Variants in FAM13B observed in about 807,000 individuals in gnomAD.
FAM13B encodes the protein protein FAM13B.
A neutral mutation model predicts 117.3 loss-of-function variants in FAM13B; 60 were observed. That is an observed-to-expected ratio of 0.51 (90% CI 0.42 to 0.63). FAM13B has a LOEUF of 0.63. FAM13B is among the 30% of genes least tolerant of loss of function. The pLI, the probability that FAM13B is intolerant of heterozygous loss-of-function variation, is 0.00. For missense variants in FAM13B, 972 were observed against 1,091.9 expected (o/e 0.89, Z 1.55); for synonymous variants, 332 against 356.1 (o/e 0.93, Z 0.76).
intron 18 of FAM13B, 31 bp from the exon 19 acceptor site, chr5:137,946,342 C>CAAAAAAAAAAAAAAAAAAAAAAAA: frequency 1.1e-6 from 1 of 919,182 alleles, no homozygotes; most frequent in Non-Finnish European, 1.5e-6. Context: ...TAACAAAATA[C>CAAAAAAAAAAAAAAAAAAAAAAAA]AAAAAAAAAA....
intron 6 of FAM13B, among the ~76,000 whole-genome samples, chr5:138,008,253 C>A (rs563342622): frequency 1.4e-4 from 21 of 152,180 alleles, no homozygotes; most frequent in African/African-American, 4.8e-4. Context: ...CCAGCCTGGG[C>A]AACGTGGTGA....
chr5:138,031,322 C>G (rs1462569), intron 1 of FAM13B, among the ~76,000 whole-genome samples: 149,340 of 152,298 alleles, frequency 0.98, 73,291 homozygotes, highest in Middle Eastern at 1. Context: ...GTGTCACACA[C>G]GTGTCTAAAT....
intron 10 of FAM13B, among the ~76,000 whole-genome samples, chr5:137,968,877 C>T (rs139273329): frequency 4.6e-5 from 7 of 152,332 alleles, no homozygotes; most frequent in African/African-American, 1.7e-4. Context: ...GGGTCACTCC[C>T]ACCTGAATAC....
At chr5:137,960,271 T>C (rs919876105) in intron 11 of FAM13B, 57 bp from the exon 12 acceptor site, 19 of 1,020,356 alleles carry the variant, frequency 1.9e-5, no homozygotes, top group South Asian at 7.7e-5. Flanking sequence ...ACTATCATTA[T>C]ATATTTCTTA....
chr5:138,017,847 G>A (rs892503251), intron 4 of FAM13B, among the ~76,000 whole-genome samples: 2 of 152,066 alleles, frequency 1.3e-5, no homozygotes, highest in Non-Finnish European at 2.9e-5. Context: ...CAAGTTTTAG[G>A]TATATTCAAA....
intron 7 of FAM13B, among the ~76,000 whole-genome samples, chr5:137,999,993 T>C (rs1780814576): frequency 6.6e-6 from 1 of 152,118 alleles, no homozygotes; most frequent in African/African-American, 2.4e-5. Flanking sequence ...TCCTTCACGA[T>C]AGAAATTCAA....
intron 10 of FAM13B, among the ~76,000 whole-genome samples, chr5:137,971,888 T>C (rs1005010477): frequency 6.6e-6 from 1 of 152,176 alleles, no homozygotes; most frequent in Non-Finnish European, 1.5e-5. Flanking sequence ...CTTCAACACA[T>C]ACACTCTCCC....
intron 9 of FAM13B, 46 bp from the exon 10 acceptor site, chr5:137,985,435 GTAA>G (rs1471275113): frequency 6.4e-7 from 1 of 1,568,812 alleles, no homozygotes; most frequent in Admixed American, 1.8e-5. Context: ...TGTTGAGTGT[GTAA>G]TGCCTTTACT....
chr5:137,974,497 A>G (rs1271229221), intron 10 of FAM13B, among the ~76,000 whole-genome samples: 1 of 146,132 alleles, frequency 6.8e-6, no homozygotes, highest in African/African-American at 2.5e-5. Context: ...ATTGGGAGAT[A>G]TACCTAATGC....
chr5:137,987,172 A>G (rs1397605855), intron 9 of FAM13B, among the ~76,000 whole-genome samples: 1 of 152,220 alleles, frequency 6.6e-6, no homozygotes, highest in Non-Finnish European at 1.5e-5. Flanking sequence ...TTCATACAAC[A>G]TAATTCCTAA....
chr5:137,966,488 T>TATATATATAGAG (rs1461425784), intron 10 of FAM13B, among the ~76,000 whole-genome samples: 13 of 29,476 alleles, frequency 4.4e-4, no homozygotes, highest in African/African-American at 7.6e-4. Context: ...TATATATATA[T>TATATATATAGAG]AGAGAGAGAG....
chr5:138,015,548 C>T (rs1785054432), intron 4 of FAM13B, among the ~76,000 whole-genome samples: 1 of 152,068 alleles, frequency 6.6e-6, no homozygotes, highest in South Asian at 2.1e-4. Flanking sequence ...ACTAAAAATA[C>T]AAAAAGTAGC....
chr5:138,010,870 T>C, intron 6 of FAM13B, 138 bp downstream of exon 6: 2 of 895,314 alleles, frequency 2.2e-6, no homozygotes, highest in Non-Finnish European at 1.5e-6. Context: ...CACCTACTGA[T>C]TACATATAAT....
At chr5:137,958,506 C>T (rs186721942) in intron 13 of FAM13B, among the ~76,000 whole-genome samples, 1 of 151,480 alleles carries the variant, frequency 6.6e-6, no homozygotes, top group Non-Finnish European at 1.5e-5. Flanking sequence ...TACACTTAAA[C>T]AGTGCCAAAA....
intron 13 of FAM13B, among the ~76,000 whole-genome samples, chr5:137,958,448 T>TA (rs1379732903): frequency 0.025 from 3,655 of 145,138 alleles, 62 homozygotes; most frequent in Non-Finnish European, 0.032. Context: ...GCCTAGACCT[T>TA]AAAAAAAAAA....
intron 4 of FAM13B, among the ~76,000 whole-genome samples, chr5:138,016,120 C>T (rs945853985): frequency 3.3e-5 from 5 of 152,190 alleles, no homozygotes; most frequent in African/African-American, 1.2e-4. Flanking sequence ...AATATCAACA[C>T]AGTACATGGT....
At chr5:137,991,094 T>G (rs1354227904) in intron 7 of FAM13B, among the ~76,000 whole-genome samples, 1 of 152,202 alleles carries the variant, frequency 6.6e-6, no homozygotes, top group Admixed American at 6.5e-5. Flanking sequence ...GTAGCATTTT[T>G]CCAATATTAT....
chr5:137,982,988 CG>C (rs1450826406), intron 10 of FAM13B, among the ~76,000 whole-genome samples: 1 of 151,704 alleles, frequency 6.6e-6, no homozygotes, highest in Admixed American at 6.6e-5. Flanking sequence ...GGTCTGGACT[CG>C]AGATACAAAT....
chr5:138,030,716 C>CT (rs981491900), intron 1 of FAM13B, among the ~76,000 whole-genome samples: 2 of 141,540 alleles, frequency 1.4e-5, no homozygotes, highest in African/African-American at 5.2e-5. Flanking sequence ...CTCCGTCCCC[C>CT]CCCCCCAAAA....
Sources: gnomAD v4.1 joint callset for allele counts (sites outside exome capture counted in the v4.1 genomes callset) on GRCh38, gnomAD v4.1.1 for gene constraint, MANE v1.5 for transcripts, NCBI Gene and HGNC (gene_info 2026-07-23, HGNC 2026-07-21) for gene names.